PDE1A: variants seen among roughly 807,000 people sequenced by gnomAD.
PDE1A encodes dual specificity calcium/calmodulin-dependent 3',5'-cyclic nucleotide phosphodiesterase 1A.
In PDE1A, 35 loss-of-function variants were observed where a neutral mutation model predicts 61.7. The observed-to-expected ratio is 0.57, with a 90% CI of 0.43 to 0.75. The LOEUF is 0.75. PDE1A is among the 30% of genes least tolerant of loss of function. The pLI is 0.00. For missense variants in PDE1A, 597 were observed against 630.6 expected (o/e 0.95, Z 0.57); for synonymous variants, 232 against 213.2 (o/e 1.09, Z -0.77).
At chr2:182,597,068 A>C in the PDE1A span, among the ~76,000 whole-genome samples, 2 of 151,486 alleles carry the variant, frequency 1.3e-5, no homozygotes, top group African/African-American at 4.9e-5. Flanking sequence ...TGGGAAGATC[A>C]CCTGAGCCTG....
At chr2:182,580,704 G>A in the PDE1A span, among the ~76,000 whole-genome samples, 12 of 152,222 alleles carry the variant, frequency 7.9e-5, no homozygotes, top group African/African-American at 2.9e-4. Context: ...CAGGAATAAC[G>A]TAGGTTTTTA....
At chr2:182,522,959 T>C (rs1690656602), upstream of PDE1A, 2 of 152,228 alleles carry the variant, frequency 1.3e-5, no homozygotes, top group African/African-American at 4.8e-5. Context: ...CTTAAAAATG[T>C]ATCATCATCT....
chr2:182,289,193 G>A (rs1037993775), intron 1 of PDE1A, among the ~76,000 whole-genome samples: 14 of 152,014 alleles, frequency 9.2e-5, no homozygotes, highest in South Asian at 2.1e-4. Context: ...TTTTCTGTTC[G>A]TTTAGATATT....
intron 13 of PDE1A, among the ~76,000 whole-genome samples, chr2:182,161,536 A>C (rs1287016493): frequency 3.3e-5 from 5 of 152,018 alleles, no homozygotes; most frequent in African/African-American, 7.2e-5. Flanking sequence ...GATTAACTGC[A>C]TTGTCAGAAA....
intron 3 of PDE1A, among the ~76,000 whole-genome samples, chr2:182,237,017 G>A (rs936040391): frequency 2.0e-5 from 3 of 152,056 alleles, no homozygotes; most frequent in African/African-American, 7.2e-5. Flanking sequence ...AATGAGCATC[G>A]GAGATATCTT....
the PDE1A span, among the ~76,000 whole-genome samples, chr2:182,569,503 T>A: frequency 1.3e-5 from 2 of 151,998 alleles, no homozygotes; most frequent in Admixed American, 1.3e-4. Context: ...TCCTTGGGCG[T>A]CAAGCAGTAG....
At chr2:182,406,345 A>G (rs1479233111) in intron 1 of PDE1A, among the ~76,000 whole-genome samples, 1 of 145,714 alleles carries the variant, frequency 6.9e-6, no homozygotes, top group African/African-American at 2.5e-5. Flanking sequence ...TTAGCAGTCA[A>G]TTTATTTTTA....
chr2:182,454,719 T>C (rs1238727494), intron 2 of PDE1A, among the ~76,000 whole-genome samples: 3 of 151,890 alleles, frequency 2.0e-5, no homozygotes, highest in Admixed American at 6.6e-5. Flanking sequence ...TAGCCATATG[T>C]AGAAAGCTGA....
chr2:182,176,447 A>G (rs1692795769), intron 13 of PDE1A, among the ~76,000 whole-genome samples: 1 of 142,012 alleles, frequency 7.0e-6, no homozygotes, highest in African/African-American at 2.8e-5. Context: ...CTTTGAAGCA[A>G]TTGTGAATGG....
At position 182,386,726 on chromosome 2, in the gene PDE1A, C is replaced by T. The variant is rs1032562361; in HGVS notation, c.53+39852G>A. Among the ~76,000 whole-genome samples the T allele has an allele frequency of 4.9e-4, 74 of 152,136 alleles. 1 individual carries two copies. Among genetic ancestry groups the T allele is most frequent in the Middle Eastern group, 3.4e-3 (1 of 292 alleles). On this transcript the variant is annotated intron_variant, in intron 1 of 13. Transcript: ENST00000351439. ...CTGGGAAGTGAGGAGCGTCTCCGCC[C>T]GGCAGCCACCTCGTCCAGGAGGGAG...
At chr2:182,693,210 T>C in the PDE1A span, among the ~76,000 whole-genome samples, 1 of 152,218 alleles carries the variant, frequency 6.6e-6, no homozygotes, top group Non-Finnish European at 1.5e-5. Context: ...TATAGTGAAC[T>C]CCCATTTATC....
At chr2:182,158,652 G>A (rs1234697304) in intron 13 of PDE1A, among the ~76,000 whole-genome samples, 1 of 152,112 alleles carries the variant, frequency 6.6e-6, no homozygotes, top group Non-Finnish European at 1.5e-5. Flanking sequence ...TTCCTGACAC[G>A]AATCAAAATT....
chr2:182,229,577 C>T (rs1689406535), intron 6 of PDE1A, among the ~76,000 whole-genome samples: 1 of 152,070 alleles, frequency 6.6e-6, no homozygotes, highest in African/African-American at 2.4e-5. Flanking sequence ...CCCCAAATCC[C>T]TATTAGAATT....
intron 10 of PDE1A, among the ~76,000 whole-genome samples, chr2:182,198,683 C>T (rs576736322): frequency 1.3e-5 from 2 of 151,630 alleles, no homozygotes; most frequent in Admixed American, 6.6e-5. Context: ...ATATGATATG[C>T]ACTATCTTAC....
At chr2:182,382,775 C>T (rs1700807177) in intron 1 of PDE1A, among the ~76,000 whole-genome samples, 2 of 151,986 alleles carry the variant, frequency 1.3e-5, no homozygotes, top group African/African-American at 2.4e-5. Context: ...CTACTATTCA[C>T]TTAACATCTA....
chr2:182,444,025 A>G (rs1684970834), intron 2 of PDE1A, among the ~76,000 whole-genome samples: 1 of 152,058 alleles, frequency 6.6e-6, no homozygotes, highest in African/African-American at 2.4e-5. Context: ...TTTATAAACT[A>G]TCAAGTCTCA....
the PDE1A span, among the ~76,000 whole-genome samples, chr2:182,589,929 G>A: frequency 6.6e-6 from 1 of 152,116 alleles, no homozygotes; most frequent in Admixed American, 6.5e-5. Flanking sequence ...TCCTCCAGTG[G>A]ACATCCTAAC....
the PDE1A span, among the ~76,000 whole-genome samples, chr2:182,684,970 AAGAAG>A: frequency 3.9e-5 from 6 of 151,992 alleles, no homozygotes; most frequent in African/African-American, 2.4e-5. Flanking sequence ...AGACAGCAGA[AAGAAG>A]AGGAGATTTA....
intron 1 of PDE1A, among the ~76,000 whole-genome samples, chr2:182,390,807 C>T (rs558397621): frequency 6.6e-6 from 1 of 152,322 alleles, no homozygotes; most frequent in South Asian, 2.1e-4. Context: ...CCACTGTGCC[C>T]AGTAGTGACA....
Sources: allele counts gnomAD v4.1 joint callset (sites outside exome capture counted in the v4.1 genomes callset), GRCh38; gene constraint gnomAD v4.1.1; transcripts MANE v1.5; gene names NCBI Gene and HGNC (gene_info 2026-07-23, HGNC 2026-07-21).